TRIM31: variants seen among roughly 807,000 people sequenced by gnomAD.
TRIM31 encodes E3 ubiquitin-protein ligase TRIM31.
Under a neutral mutation model 40.6 loss-of-function variants are expected in TRIM31, and 31 were observed. The ratio of observed to expected loss-of-function variants is 0.76; its 90% CI spans 0.57 to 1.03. The LOEUF (loss-of-function observed/expected upper bound fraction) is 1.03, where lower values mean the gene tolerates loss of function less well. Ranked by LOEUF, TRIM31 falls within the 50% of genes least tolerant of loss-of-function variation. The pLI, the probability that TRIM31 is intolerant of heterozygous loss-of-function variation, is 0.00. For synonymous variants in TRIM31, 164 were observed against 193.9 expected (o/e 0.85, Z 1.28); for missense variants, 455 against 497.5 (o/e 0.91, Z 0.81).
Position 30,110,737 on chromosome 6 carries a change from CT to C in TRIM31, c.514-60del, listed in dbSNP as rs534209356. ...TGGCCTCGAAGGTCCTTCTAGCCCA[CT>C]TTATTCAGCCATTAATTTTATTAAG... On this transcript the variant is annotated intron_variant, in intron 3 of 8. Coordinates refer to ENST00000376734, the MANE Select transcript of TRIM31 (RefSeq NM_007028.5). 9.7e-5 allele frequency: 142 copies of C among 1,467,762 alleles called. No homozygotes were observed. In the African/African-American group the frequency reaches 1.9e-3, roughly 20 times the overall value. The allele number at this position is 1,467,762 out of a possible 1,614,324, so 90.9% of individuals were successfully genotyped here. A position where few individuals can be genotyped will look rare whatever the true frequency, so the allele number is the denominator to read the frequency against.
intron 6 of TRIM31, 92 bp downstream of exon 6, chr6:30,107,961 C>T (rs1768882037): frequency 3.5e-6 from 3 of 858,690 alleles, no homozygotes; most frequent in African/African-American, 1.7e-5. Flanking sequence ...GGATTGTTGG[C>T]ATGTATGAGT....
chr6:30,103,622 C>A lies in TRIM31; in HGVS notation c.1192G>T (p.Val398Phe). Residue 398 changes from valine (V) to phenylalanine (F), a missense_variant, in exon 9 of 9, where the codon GTT becomes TTT. Coordinates refer to ENST00000376734, the MANE Select transcript of TRIM31 (RefSeq NM_007028.5). ...ASSQDTKTFDVALSEELHAAL... is the reference protein window; with the variant it reads ...ASSQDTKTFDFALSEELHAAL... ...GCATGGAGCTCCTCGGACAGCGCAA[C>A]GTCAAATGTCTTCGTATCCTGAGAG... 1 of 1,613,062 alleles carries A rather than the reference C, an allele frequency of 6.2e-7. No individual in the cohort carries two copies. Among genetic ancestry groups the A allele is most frequent in the Non-Finnish European group, 8.5e-7 (1 of 1,180,042 alleles).
intron 4 of TRIM31, 137 bp from the exon 5 acceptor site, chr6:30,109,185 C>A (rs986529623): frequency 1.3e-6 from 1 of 799,340 alleles, no homozygotes; most frequent in Admixed American, 2.1e-5. Context: ...ACCCCATCCT[C>A]CTCCCCTCTC....
chr6:30,106,108 A>G (rs956158815), intron 6 of TRIM31, among the ~76,000 whole-genome samples: 3 of 152,218 alleles, frequency 2.0e-5, no homozygotes, highest in African/African-American at 7.2e-5. Flanking sequence ...GATTTCCTGT[A>G]GGGGTGCTGG....
At chr6:30,107,490 C>G (rs776320524) in intron 6 of TRIM31, among the ~76,000 whole-genome samples, 7 of 151,886 alleles carry the variant, frequency 4.6e-5, no homozygotes, top group African/African-American at 7.3e-5. Flanking sequence ...CTTACAAATA[C>G]TAACCCTTCT....
At position 30,104,163 on chromosome 6, in the gene TRIM31, GC is replaced by G. The variant is rs1192138430; in HGVS notation, c.962del (p.Gly321AlafsTer10). Reference protein sequence around the residue: ...SMNKNDMKSWGLLQKNNHKMN... With the variant: ...SMNKNDMKSWXLLQKNNHKMN... ...TTTTATGATTATTTTTCTGTAACAA[GC>G]CCCCTAAAAATTGGGGAGAGAAAAC... On this transcript the variant is annotated frameshift_variant, in exon 8 of 9. Coordinates refer to ENST00000376734, the MANE Select transcript of TRIM31 (RefSeq NM_007028.5). LOFTEE classifies it high-confidence loss of function. The G allele has an allele frequency of 6.2e-7, 1 of 1,612,772 alleles. No homozygotes were observed. Among genetic ancestry groups the G allele is most frequent in the African/African-American group, 1.3e-5 (1 of 74,864 alleles).
chr6:30,112,499 G>A lies in TRIM31; in HGVS notation c.307C>T (p.His103Tyr), dbSNP rs1176721490. The change falls in exon 2 of 9, where the codon CAC (histidine) becomes TAC (tyrosine). Residue 103 changes from histidine (H) to tyrosine (Y), a missense_variant. Transcript: ENST00000376734. ...ATCPRHQEMF[H>Y]YFCEDDGKFL... The stretch of plus-strand genomic sequence containing the variant: ...TTCCCATCATCCTCGCAGAAATAGT[G>A]GAACATCTCCTGGTGCCTCGGGCAT... 1 of 1,613,112 alleles carries A rather than the reference G, an allele frequency of 6.2e-7. No homozygotes were observed. Among genetic ancestry groups the A allele is most frequent in the East Asian group, 2.2e-5 (1 of 44,890 alleles).
rs9278578 is a variant in TRIM31, at chr6:30,111,030, C to CTTTTTTTTTTTTTTTTTTTTTT, written c.514-353_514-352insAAAAAAAAAAAAAAAAAAAAAA. Among the ~76,000 whole-genome samples, 50 of 114,292 alleles carry CTTTTTTTTTTTTTTTTTTTTTT rather than the reference C, an allele frequency of 4.4e-4. 3 individuals carry two copies. Among genetic ancestry groups the CTTTTTTTTTTTTTTTTTTTTTT allele is most frequent in the South Asian group, 4.0e-3 (13 of 3,218 alleles). 75.0% of individuals were successfully genotyped at this position (114,292 alleles called of 152,430 possible). ...CACAATGTCTTCATTTTCCTTCTGTCTTTTTTTTTTTTTTTTTTTGAGACA... is the reference window on the plus strand; with the variant it reads ...CACAATGTCTTCATTTTCCTTCTGTCTTTTTTTTTTTTTTTTTTTTTTTTTTTTTTTTTTTTTTTTTGAGACA... On this transcript the variant is annotated intron_variant, in intron 3 of 8. Transcript: ENST00000376734.
chr6:30,112,963 G>T, intron 1 of TRIM31, 75 bp from the exon 2 acceptor site: 1 of 591,854 alleles, frequency 1.7e-6, no homozygotes, highest in Non-Finnish European at 2.7e-6. Context: ...CAGAGAGAGA[G>T]GAAAAGAAGA....
At position 30,112,559 on chromosome 6, in the gene TRIM31, C is replaced by T. The variant is rs566610300; in HGVS notation, c.247G>A (p.Ala83Thr). 1.2e-6 allele frequency: 2 copies of T among 1,613,114 alleles called. No homozygotes were observed. The highest frequency in any genetic ancestry group is 1.7e-6 in the Non-Finnish European group (2 of 1,180,040). The change falls in exon 2 of 9, where the codon GCC becomes ACC. Residue 83 changes from alanine (A) to threonine (T), a missense_variant. Coordinates refer to ENST00000376734, the MANE Select transcript of TRIM31 (RefSeq NM_007028.5). ...NLVEKIQALQ[A>T]SEVQSKRKEA... ...TTCCTTTTGGACTGCACCTCAGAGG[C>T]TTGTAGAGCTTGGATTTTCTCCACC... is the stretch of plus-strand genomic sequence containing the variant.
At position 30,103,423 on chromosome 6, in the gene TRIM31, C is replaced by G; in HGVS notation, c.*113G>C. 6.8e-7 allele frequency: 1 copy of G among 1,471,668 alleles called. No homozygotes were observed. The highest frequency in any genetic ancestry group is 1.3e-5 in the South Asian group (1 of 78,576). The allele number at this position is 1,471,668 out of a possible 1,614,324, so 91.2% of individuals were successfully genotyped here. ...CGAGCCCTCCCATTCTCCACTCCTT[C>G]GACCCAATTCCACTAAGTCAAGAAC... is the stretch of plus-strand genomic sequence containing the variant. On this transcript the variant is annotated 3_prime_UTR_variant, in exon 9 of 9. Coordinates refer to ENST00000376734, the MANE Select transcript of TRIM31 (RefSeq NM_007028.5).
At position 30,110,027 on chromosome 6, in the gene TRIM31, TAAAAAA is replaced by T. The variant is rs9280894; in HGVS notation, c.744+415_744+420del. Among the ~76,000 whole-genome samples, 13 of 118,188 alleles carry T rather than the reference TAAAAAA, an allele frequency of 1.1e-4. No homozygotes were observed. The East Asian group carries it at 2.2e-3, about 20-fold the overall frequency. The allele number at this position is 118,188 out of a possible 152,430, so 77.5% of individuals were successfully genotyped here. On this transcript the variant is annotated intron_variant, in intron 4 of 8. Coordinates refer to ENST00000376734, the MANE Select transcript of TRIM31 (RefSeq NM_007028.5). ...TACACACAATTTCAAAGACTCAGTG[TAAAAAA>T]AAAAAAAAAAAAAACCACCAAAAAC...
intron 6 of TRIM31, among the ~76,000 whole-genome samples, chr6:30,106,612 G>A (rs1431307028): frequency 6.6e-6 from 1 of 151,834 alleles, no homozygotes; most frequent in Non-Finnish European, 1.5e-5. Flanking sequence ...AAAAAAGAAG[G>A]AAATAGGGCC....
In TRIM31 at chr6:30,110,438, A is replaced by G; in HGVS notation, c.744+10T>C. ...CTACCTCTCTGCAATTCTGCCCCCAAGGGACTCACCTCCAGCAGCTGCCTG... is the reference window on the plus strand; with the variant it reads ...CTACCTCTCTGCAATTCTGCCCCCAGGGGACTCACCTCCAGCAGCTGCCTG... On this transcript the variant is annotated intron_variant, in intron 4 of 8. Coordinates refer to ENST00000376734, the MANE Select transcript of TRIM31 (RefSeq NM_007028.5). 1.2e-6 allele frequency: 2 copies of G among 1,613,602 alleles called. No individual in the cohort carries two copies. Among genetic ancestry groups the G allele is most frequent in the African/African-American group, 1.3e-5 (1 of 75,016 alleles).
intron 3 of TRIM31, 189 bp downstream of exon 3, chr6:30,111,459 C>T: frequency 1.7e-6 from 1 of 585,328 alleles, no homozygotes; most frequent in Non-Finnish European, 3.0e-6. Flanking sequence ...GGAGACTGAG[C>T]AGTCAGCCCG....
At position 30,104,168 on chromosome 6, in the gene TRIM31, C is replaced by A; in HGVS notation, c.959-1G>T. ...TGATTATTTTTCTGTAACAAGCCCC[C>A]TAAAAATTGGGGAGAGAAAACCTAT... On this transcript the variant is annotated splice_acceptor_variant, in intron 7 of 8. Transcript: ENST00000376734. LOFTEE classifies it high-confidence loss of function. 1.2e-6 allele frequency: 2 copies of A among 1,612,850 alleles called. No homozygotes were observed. The highest frequency in any genetic ancestry group is 1.7e-6 in the Non-Finnish European group (2 of 1,179,984).
intron 4 of TRIM31, among the ~76,000 whole-genome samples, chr6:30,109,287 A>G (rs1029962674): frequency 1.3e-5 from 2 of 152,158 alleles, no homozygotes; most frequent in Non-Finnish European, 2.9e-5. Context: ...AGAAGAGAAG[A>G]GTGAGATTTA....
At position 30,112,882 on chromosome 6, in the gene TRIM31, A is replaced by G; in HGVS notation, c.-77T>C. On this transcript the variant is annotated 5_prime_UTR_variant, in exon 2 of 9. Coordinates refer to ENST00000376734, the MANE Select transcript of TRIM31 (RefSeq NM_007028.5). ...AGGAGCCCCGGAGTCCACTGTGGAT[A>G]CTGTTTCTAGGAAGGGAGAAGGGAG... The G allele has an allele frequency of 7.0e-7, 1 of 1,438,494 alleles. No homozygotes were observed. Among genetic ancestry groups the G allele is most frequent in the Admixed American group, 2.4e-5 (1 of 41,970 alleles). The allele number at this position is 1,438,494 out of a possible 1,614,324, so 89.1% of individuals were successfully genotyped here.
intron 2 of TRIM31, chr6:30,112,136 C>T: frequency 1.8e-6 from 1 of 568,600 alleles, no homozygotes. Flanking sequence ...ACTCACAAGA[C>T]TGGGCTTGAG....
Sources: gnomAD v4.1 joint callset for allele counts (sites outside exome capture counted in the v4.1 genomes callset) on GRCh38, gnomAD v4.1.1 for gene constraint, MANE v1.5 for transcripts, NCBI Gene and HGNC (gene_info 2026-07-23, HGNC 2026-07-21) for gene names.